Variants in GRIK4 observed in about 807,000 individuals in gnomAD.
GRIK4 encodes the protein glutamate ionotropic receptor kainate type subunit 4, also known as glutamate receptor ionotropic, kainate 4.
GRIK4 carries 40 observed loss-of-function variants against 104.9 expected under a neutral mutation model. That is an observed-to-expected ratio of 0.38 (90% CI 0.30 to 0.50). The LOEUF is 0.50. Among genes scored for constraint, GRIK4 ranks in the 20% least tolerant of loss-of-function variants. The pLI is 0.93. For synonymous variants in GRIK4, 485 were observed against 524.9 expected (o/e 0.92, Z 1.04); for missense variants, 1,047 against 1,308.1 (o/e 0.80, Z 3.08).
At chr11:120,941,599 G>A (rs1427006637) in intron 14 of GRIK4, among the ~76,000 whole-genome samples, 4 of 152,224 alleles carry the variant, frequency 2.6e-5, no homozygotes, top group Admixed American at 1.3e-4. Flanking sequence ...GTGCAGCCAT[G>A]CTAGATTAGG....
intron 3 of GRIK4, among the ~76,000 whole-genome samples, chr11:120,756,768 A>G (rs772671999): frequency 2.0e-5 from 3 of 152,186 alleles, no homozygotes; most frequent in Non-Finnish European, 4.4e-5. Flanking sequence ...GGGAATAAGT[A>G]TAGGGGAGCA....
intron 1 of GRIK4, among the ~76,000 whole-genome samples, chr11:120,523,565 A>G (rs1019073689): frequency 6.6e-6 from 1 of 152,136 alleles, no homozygotes; most frequent in Non-Finnish European, 1.5e-5. Context: ...AGGTCCTCAC[A>G]CCAGCCCTCC....
At chr11:120,768,629 A>AT (rs1414725671) in intron 3 of GRIK4, among the ~76,000 whole-genome samples, 1 of 152,220 alleles carries the variant, frequency 6.6e-6, no homozygotes, top group Non-Finnish European at 1.5e-5. Flanking sequence ...AGATCTTAGT[A>AT]GAAAAGCTTT....
Position 120,902,781 on chromosome 11 carries a change from C to G in GRIK4, c.1273-2509C>G, listed in dbSNP as rs1017083103. On this transcript the variant is annotated intron_variant, in intron 12 of 20. Coordinates refer to ENST00000527524, the MANE Select transcript of GRIK4 (RefSeq NM_014619.5). This position sits in a 1 kb window ranked among gnomAD's most constrained non-coding sequence, Gnocchi z 4.5. ...GAAGGAGGCAGTGTGACTCTGCGGACAAAGATGACTAGGTGAGGTGGAAGA... is the reference window on the plus strand; with the variant it reads ...GAAGGAGGCAGTGTGACTCTGCGGAGAAAGATGACTAGGTGAGGTGGAAGA... 6.6e-6 allele frequency among the ~76,000 whole-genome samples: 1 copy of G among 152,130 alleles called. No individual in the cohort carries two copies. Among genetic ancestry groups the G allele is most frequent in the Non-Finnish European group, 1.5e-5 (1 of 68,030 alleles).
chr11:120,650,906 G>A (rs1211918418), intron 1 of GRIK4, among the ~76,000 whole-genome samples: 1 of 152,162 alleles, frequency 6.6e-6, no homozygotes, highest in Non-Finnish European at 1.5e-5. Flanking sequence ...ACCCAGTAAG[G>A]AAGATGATAC....
chr11:120,947,327 G>A (rs753077890), intron 14 of GRIK4, among the ~76,000 whole-genome samples: 6 of 151,958 alleles, frequency 3.9e-5, no homozygotes, highest in Non-Finnish European at 5.9e-5. Context: ...ATTTGAAGCC[G>A]GGAGGTGGAG....
chr11:120,857,621 G>A (rs1954143742), intron 8 of GRIK4, among the ~76,000 whole-genome samples: 1 of 152,254 alleles, frequency 6.6e-6, no homozygotes, highest in African/African-American at 2.4e-5. Context: ...AATTCACAGA[G>A]GACAGTCAGT....
intron 1 of GRIK4, among the ~76,000 whole-genome samples, chr11:120,519,029 G>A (rs971331272): frequency 6.6e-6 from 1 of 152,178 alleles, no homozygotes; most frequent in African/African-American, 2.4e-5. Flanking sequence ...AACAAAATCG[G>A]TCTAGAACTA....
chr11:120,516,479 C>T (rs966913487), intron 1 of GRIK4, among the ~76,000 whole-genome samples: 2 of 151,948 alleles, frequency 1.3e-5, no homozygotes, highest in Admixed American at 6.6e-5. Context: ...CAGGGAGCAG[C>T]GGATTGTCAC....
At chr11:120,927,498 C>T (rs980897659) in intron 13 of GRIK4, among the ~76,000 whole-genome samples, 7 of 138,228 alleles carry the variant, frequency 5.1e-5, no homozygotes, top group Non-Finnish European at 9.1e-5. Context: ...ACCTGAGAGG[C>T]GGAGGTTGCA....
chr11:120,831,667 T>A (rs1484463174), intron 6 of GRIK4, among the ~76,000 whole-genome samples, 185 bp from the exon 7 acceptor site: 2 of 152,102 alleles, frequency 1.3e-5, no homozygotes, highest in Admixed American at 6.6e-5. Flanking sequence ...TTAGATGGGA[T>A]CATTGAAGCC....
In GRIK4 at chr11:120,905,395, CG is replaced by C; in HGVS notation, c.1379del (p.Arg460HisfsTer30). 6.2e-7 allele frequency: 1 copy of C among 1,613,944 alleles called. No homozygotes were observed. On this transcript the variant is annotated frameshift_variant, in exon 13 of 21. Coordinates refer to ENST00000527524, the MANE Select transcript of GRIK4 (RefSeq NM_014619.5). LOFTEE classifies it high-confidence loss of function. This position sits in a 1 kb window ranked among gnomAD's most constrained non-coding sequence, Gnocchi z 5.1. ...DMLKELAEIL[R>X]FNYKIRLVGD... ...GCTCAAGGAGCTGGCAGAGATCCTCCGATTCAACTACAAGATCCGCCTGGTT... is the reference window on the plus strand; with the variant it reads ...GCTCAAGGAGCTGGCAGAGATCCTCCATTCAACTACAAGATCCGCCTGGTT...
rs116098730 is a variant in GRIK4, at chr11:120,660,387, C to G, written c.69C>G (p.His23Gln). ...TCGTGATGGTCGCCTGCAGCCCGCA[C>G]TCCTTGAGGATCGGTAAGTGTGGCC... ...AWLVMVACSP[H>Q]SLRIAAILDD... Residue 23 changes from histidine to glutamine, a missense_variant, in exon 3 of 21, where the codon CAC becomes CAG. This residue lies in a region of GRIK4 where 447 missense variants were observed against 514.9 expected (regional missense o/e 0.87). Coordinates refer to ENST00000527524, the MANE Select transcript of GRIK4 (RefSeq NM_014619.5). 2,318 of 1,612,466 alleles carry G rather than the reference C, an allele frequency of 1.4e-3. 33 individuals carry two copies. In the African/African-American group the frequency reaches 0.028, roughly 19 times the overall value.
intron 6 of GRIK4, among the ~76,000 whole-genome samples, chr11:120,828,870 C>A (rs766684347): frequency 2.6e-5 from 4 of 152,122 alleles, no homozygotes; most frequent in Non-Finnish European, 5.9e-5. Context: ...TGGAATAGGT[C>A]CCCAGTTTAT....
intron 6 of GRIK4, among the ~76,000 whole-genome samples, chr11:120,830,203 A>T (rs1202647845): frequency 6.6e-6 from 1 of 150,438 alleles, no homozygotes. Context: ...AAAAAAAAAA[A>T]GCACAGACAC....
chr11:120,800,625 C>T (rs774123646), intron 3 of GRIK4, among the ~76,000 whole-genome samples: 16 of 152,192 alleles, frequency 1.1e-4, no homozygotes, highest in East Asian at 7.7e-4. Context: ...GTACCTCTGT[C>T]GCCCCATGCA....
intron 3 of GRIK4, among the ~76,000 whole-genome samples, chr11:120,677,861 G>A (rs1212684898): frequency 6.6e-6 from 1 of 152,196 alleles, no homozygotes; most frequent in Non-Finnish European, 1.5e-5. Flanking sequence ...TGACATTCAT[G>A]TTTATTGAGC....
intron 4 of GRIK4, among the ~76,000 whole-genome samples, chr11:120,813,665 C>T (rs1419823607): frequency 2.6e-5 from 4 of 152,144 alleles, no homozygotes; most frequent in Non-Finnish European, 4.4e-5. Context: ...GCCTGTACCC[C>T]GTTCAGATGA....
At chr11:120,722,064 TG>T (rs1950941868) in intron 3 of GRIK4, among the ~76,000 whole-genome samples, 1 of 152,178 alleles carries the variant, frequency 6.6e-6, no homozygotes, top group Non-Finnish European at 1.5e-5. Flanking sequence ...AGTCAGTGTC[TG>T]GGCCTGGGGT....
Sources: gnomAD v4.1 joint callset for allele counts (sites outside exome capture counted in the v4.1 genomes callset) on GRCh38, gnomAD v4.1.1 for gene constraint, gnomAD v4.1.1 regional missense constraint, Gnocchi (gnomAD v3.1) non-coding constraint, MANE v1.5 for transcripts, NCBI Gene and HGNC (gene_info 2026-07-23, HGNC 2026-07-21) for gene names.